The following ZNF521 variants were observed in gnomAD, a reference collection of about 807,000 sequenced individuals.
ZNF521 encodes the protein zinc finger protein 521, also known as LYST-interacting protein 3.
In ZNF521, 14 loss-of-function variants were observed where a neutral mutation model predicts 105.5. The observed-to-expected ratio is 0.13, with a 90% CI of 0.09 to 0.21. The LOEUF (loss-of-function observed/expected upper bound fraction) is 0.21. ZNF521 is among the 10% of genes least tolerant of loss of function. The probability of loss-of-function intolerance (pLI) is 1.00; values close to 1 mark genes in which losing one functional copy is unlikely to be tolerated. For synonymous variants in ZNF521, 635 were observed against 606.0 expected (o/e 1.05, Z -0.70); for missense variants, 1,233 against 1,629.7 (o/e 0.76, Z 4.19).
chr18:25,255,608 T>G (rs975647347), intron 3 of ZNF521, among the ~76,000 whole-genome samples: 6 of 152,224 alleles, frequency 3.9e-5, no homozygotes, highest in African/African-American at 1.4e-4. Flanking sequence ...TTCACTGATT[T>G]ATCAATTTGC....
chr18:25,131,938 A>G (rs545113568), intron 5 of ZNF521, among the ~76,000 whole-genome samples: 3 of 152,254 alleles, frequency 2.0e-5, no homozygotes, highest in Non-Finnish European at 2.9e-5. Context: ...ATTGTCGCCA[A>G]TTCCATCTAC....
At position 25,184,933 on chromosome 18, in the gene ZNF521, A is replaced by G. The variant is rs1390152116; in HGVS notation, c.3658+10227T>C. On this transcript the variant is annotated intron_variant, in intron 5 of 7. Transcript: ENST00000361524. The stretch of plus-strand genomic sequence containing the variant: ...ATAACAGTGCAGAATCTCTGACTTC[A>G]ATCCACATTATTTTGCTATTAGTTA... Among the ~76,000 whole-genome samples the G allele has an allele frequency of 2.0e-5, 3 of 152,208 alleles. No homozygotes were observed. The East Asian group carries it at 5.8e-4, about 29-fold the overall frequency.
intron 2 of ZNF521, among the ~76,000 whole-genome samples, chr18:25,342,350 G>T (rs1382891315): frequency 6.6e-6 from 1 of 151,950 alleles, no homozygotes; most frequent in Non-Finnish European, 1.5e-5. Context: ...GGCTTCATTA[G>T]TACTTGGTAG....
At chr18:25,347,316 T>C (rs925471737) in intron 2 of ZNF521, among the ~76,000 whole-genome samples, 3 of 152,166 alleles carry the variant, frequency 2.0e-5, no homozygotes, top group Admixed American at 6.5e-5. Flanking sequence ...TCTATTTCAT[T>C]AAATAGAAGG....
intron 3 of ZNF521, among the ~76,000 whole-genome samples, chr18:25,314,563 T>C (rs1301420616): frequency 2.0e-5 from 3 of 152,168 alleles, no homozygotes; most frequent in Non-Finnish European, 2.9e-5. Flanking sequence ...CTAAAAAATG[T>C]GAACAGGAAG....
intron 3 of ZNF521, among the ~76,000 whole-genome samples, chr18:25,267,980 C>T (rs562387873): frequency 1.2e-4 from 18 of 152,218 alleles, no homozygotes; most frequent in African/African-American, 3.9e-4. Flanking sequence ...ATAACAAACT[C>T]CTCTGAGCTA....
chr18:25,213,304 T>G (rs2036225793), intron 4 of ZNF521, among the ~76,000 whole-genome samples: 1 of 150,842 alleles, frequency 6.6e-6, no homozygotes, highest in Non-Finnish European at 1.5e-5. Flanking sequence ...TAAAAAGTTT[T>G]TATTAGGGTA....
chr18:25,136,214 A>G (rs1048578965), intron 5 of ZNF521, among the ~76,000 whole-genome samples: 10 of 152,222 alleles, frequency 6.6e-5, no homozygotes, highest in Admixed American at 6.5e-5. Context: ...CAGAAAGTGC[A>G]TAGTGATTTG....
intron 4 of ZNF521, among the ~76,000 whole-genome samples, chr18:25,219,979 T>C (rs1460150217): frequency 6.6e-6 from 1 of 152,010 alleles, no homozygotes; most frequent in Non-Finnish European, 1.5e-5. Context: ...CTCCCAAAGG[T>C]CCCCTCCTGT....
rs908440822 is a variant in ZNF521, at chr18:25,225,570, T to C, written c.2348A>G (p.His783Arg). Residue 783 changes from histidine (H) to arginine (R), a missense_variant, in exon 4 of 8, where the codon CAT becomes CGT. His to Arg is a conservative substitution (Grantham distance 29, BLOSUM62 0). Coordinates refer to ENST00000361524, the MANE Select transcript of ZNF521 (RefSeq NM_015461.3). The surrounding 1 kb of genome is among the most constrained non-coding windows in gnomAD (Gnocchi z 5.6). ...HNHLENQGKV[H>R]KCIFCGESFG... is the part of the protein sequence containing the mutation. ...GGACTCACCGCAGAAAATGCACTTA[T>C]GCACTTTCCCTTGGTTTTCCAGGTG... 5 of 1,614,136 alleles carry C rather than the reference T, an allele frequency of 3.1e-6. No homozygotes were observed. In the African/African-American group the frequency reaches 4.0e-5, roughly 13 times the overall value.
intron 3 of ZNF521, among the ~76,000 whole-genome samples, chr18:25,229,144 G>A (rs1324942295): frequency 2.0e-5 from 3 of 152,198 alleles, no homozygotes; most frequent in African/African-American, 4.8e-5. Flanking sequence ...AGAAACTGGT[G>A]AGCATTATGT....
At chr18:25,159,635 AGTAGTTTG>A (rs989529088) in intron 5 of ZNF521, among the ~76,000 whole-genome samples, 16 of 152,190 alleles carry the variant, frequency 1.1e-4, no homozygotes, top group African/African-American at 3.6e-4. Flanking sequence ...CAAAATTCAG[AGTAGTTTG>A]GTAGTTACAC....
chr18:25,163,287 A>T (rs918246120), intron 5 of ZNF521, among the ~76,000 whole-genome samples: 1 of 152,240 alleles, frequency 6.6e-6, no homozygotes, highest in Non-Finnish European at 1.5e-5. Context: ...TGAATCAAAC[A>T]GTGCTATCTC....
chr18:25,347,827 T>C (rs1914528385), intron 2 of ZNF521, among the ~76,000 whole-genome samples: 1 of 152,250 alleles, frequency 6.6e-6, no homozygotes, highest in Admixed American at 6.5e-5. Context: ...ATGACTTTCC[T>C]GAGATACAAG....
chr18:25,149,455 T>C (rs889198536), intron 5 of ZNF521, among the ~76,000 whole-genome samples: 4 of 152,184 alleles, frequency 2.6e-5, no homozygotes, highest in Non-Finnish European at 4.4e-5. Flanking sequence ...ATAACTATCA[T>C]AGATATCTGT....
intron 1 of ZNF521, chr18:25,351,394 T>TA (rs1220677767): frequency 1.4e-5 from 2 of 147,926 alleles, no homozygotes; most frequent in Non-Finnish European, 3.0e-5. Context: ...AAAAAACTAA[T>TA]AAAAAGAAAA....
intron 5 of ZNF521, among the ~76,000 whole-genome samples, chr18:25,140,472 A>G (rs1487916802): frequency 6.6e-6 from 1 of 152,226 alleles, no homozygotes; most frequent in Non-Finnish European, 1.5e-5. Flanking sequence ...GCGTTTGTTA[A>G]GAGTGTCGTG....
At chr18:25,246,883 G>A (rs1339687799) in intron 3 of ZNF521, among the ~76,000 whole-genome samples, 1 of 152,122 alleles carries the variant, frequency 6.6e-6, no homozygotes, top group East Asian at 1.9e-4. Flanking sequence ...CACAGAAGGG[G>A]TTCCATAGTG....
chr18:25,214,139 A>T (rs2036240542), intron 4 of ZNF521, among the ~76,000 whole-genome samples: 1 of 152,142 alleles, frequency 6.6e-6, no homozygotes, highest in African/African-American at 2.4e-5. Context: ...CGATCCCAGA[A>T]GTAACTACTC....
Sources: gnomAD v4.1 joint callset for allele counts (sites outside exome capture counted in the v4.1 genomes callset) on GRCh38, gnomAD v4.1.1 for gene constraint, Gnocchi (gnomAD v3.1) non-coding constraint, MANE v1.5 for transcripts, NCBI Gene and HGNC (gene_info 2026-07-23, HGNC 2026-07-21) for gene names.